The following PCLO variants were observed in gnomAD, a reference collection of about 807,000 sequenced individuals.
PCLO encodes piccolo presynaptic cytomatrix protein.
Under a neutral mutation model 427.5 loss-of-function variants are expected in PCLO, and 82 were observed. That is an observed-to-expected ratio of 0.19 (90% CI 0.16 to 0.23). The LOEUF (loss-of-function observed/expected upper bound fraction) is 0.23. Ranked by LOEUF, PCLO falls within the 10% of genes least tolerant of loss-of-function variation. The probability of loss-of-function intolerance (pLI) is 1.00; values close to 1 mark genes in which losing one functional copy is unlikely to be tolerated. For missense variants in PCLO, 6,239 were observed against 6,115.9 expected, an observed-to-expected ratio of 1.02 and a Z score of -0.67; for synonymous variants, 2,357 against 2,155.4, an observed-to-expected ratio of 1.09 and a Z score of -2.59.
chr7:82,997,249 G>A (rs1787645786), intron 3 of PCLO, among the ~76,000 whole-genome samples: 1 of 151,872 alleles, frequency 6.6e-6, no homozygotes, highest in African/African-American at 2.4e-5. Flanking sequence ...GTCTCTTAAA[G>A]AGGAAAAGTG....
At chr7:83,036,473 T>C (rs558311424) in intron 3 of PCLO, among the ~76,000 whole-genome samples, 39 of 152,278 alleles carry the variant, frequency 2.6e-4, no homozygotes, top group Admixed American at 1.4e-3. Context: ...ACAACACTTA[T>C]ATTGCTCACC....
At chr7:82,851,855 T>C (rs1337268358) in intron 10 of PCLO, among the ~76,000 whole-genome samples, 1 of 152,142 alleles carries the variant, frequency 6.6e-6, no homozygotes, top group Non-Finnish European at 1.5e-5. Context: ...AATACAATTG[T>C]CCAAATCAAT....
At chr7:82,947,348 C>T (rs186513412) in intron 6 of PCLO, among the ~76,000 whole-genome samples, 1 of 152,094 alleles carries the variant, frequency 6.6e-6, no homozygotes, top group Non-Finnish European at 1.5e-5. Flanking sequence ...AAATTAACAA[C>T]CTGTAAACTA....
At chr7:83,087,487 G>A (rs1196652428) in intron 3 of PCLO, among the ~76,000 whole-genome samples, 9 of 151,956 alleles carry the variant, frequency 5.9e-5, no homozygotes, top group Non-Finnish European at 1.3e-4. Flanking sequence ...AAAAGTATGT[G>A]CATTTATAAA....
Position 82,956,248 on chromosome 7 carries a change from C to G in PCLO, c.4705G>C (p.Ala1569Pro). The G allele has an allele frequency of 6.2e-7, 1 of 1,611,746 alleles. No individual in the cohort carries two copies. Among genetic ancestry groups the G allele is most frequent in the African/African-American group, 1.3e-5 (1 of 75,046 alleles). Residue 1569 changes from alanine (A) to proline (P), a missense_variant, in exon 5 of 25, where the codon GCT becomes CCT. This residue lies in a region of PCLO where 4,677 missense variants were observed against 4,468.4 expected (regional missense o/e 1.05). Coordinates refer to ENST00000333891, the MANE Select transcript of PCLO (RefSeq NM_033026.6). The stretch of plus-strand genomic sequence containing the variant: ...AACTCATCATCTTCAGAACCTGAAG[C>G]ATCTTCATCAGCACTCATTTCTATG... ...QIIEMSADED[A>P]SGSEDDEFIR...
At chr7:83,014,418 T>G (rs1053208510) in intron 3 of PCLO, among the ~76,000 whole-genome samples, 3 of 152,082 alleles carry the variant, frequency 2.0e-5, no homozygotes, top group Non-Finnish European at 2.9e-5. Context: ...TCTCGAATGC[T>G]GAGATAAGTA....
intron 15 of PCLO, 96 bp downstream of exon 15, chr7:82,838,122 T>A (rs1792273607): frequency 2.4e-6 from 2 of 824,594 alleles, no homozygotes; most frequent in Admixed American, 2.9e-5. Context: ...GAAAAGATAA[T>A]AAAGTCAATT....
At chr7:82,818,674 T>C (rs1040169801) in intron 20 of PCLO, among the ~76,000 whole-genome samples, 5 of 152,192 alleles carry the variant, frequency 3.3e-5, no homozygotes, top group African/African-American at 4.8e-5. Context: ...AAGACAATGT[T>C]ATATTTGTCG....
chr7:82,969,946 T>C (rs1166609942), intron 3 of PCLO, among the ~76,000 whole-genome samples: 2 of 152,144 alleles, frequency 1.3e-5, no homozygotes, highest in Non-Finnish European at 2.9e-5. Context: ...CAAAAATATG[T>C]CTTGTCACTA....
chr7:83,116,760 C>G (rs150358105), intron 3 of PCLO, among the ~76,000 whole-genome samples: 14 of 152,274 alleles, frequency 9.2e-5, no homozygotes, highest in African/African-American at 3.4e-4. Context: ...AATTTTGTAT[C>G]CTTAACTAAC....
At chr7:83,097,177 ATATATTATATAT>A (rs1421070343) in intron 3 of PCLO, among the ~76,000 whole-genome samples, 1 of 117,816 alleles carries the variant, frequency 8.5e-6, no homozygotes, top group Non-Finnish European at 1.6e-5. Context: ...AATATATATT[ATATATTATATAT>A]TATATTATTA....
At chr7:83,037,780 T>A (rs1291202712) in intron 3 of PCLO, among the ~76,000 whole-genome samples, 2 of 150,610 alleles carry the variant, frequency 1.3e-5, no homozygotes, top group Non-Finnish European at 3.0e-5. Flanking sequence ...CACTATTTAA[T>A]TCCATTTTAA....
At chr7:83,152,334 T>C (rs1792159998) in intron 2 of PCLO, among the ~76,000 whole-genome samples, 3 of 152,328 alleles carry the variant, frequency 2.0e-5, no homozygotes, top group Middle Eastern at 3.4e-3. Flanking sequence ...CTCCTATTTA[T>C]GGTTGAGAGA....
chr7:82,774,951 T>C (rs1205588261), intron 22 of PCLO, among the ~76,000 whole-genome samples: 2 of 152,210 alleles, frequency 1.3e-5, no homozygotes, highest in South Asian at 2.1e-4. Flanking sequence ...GCTGTTTCCA[T>C]AGTTCTGCTT....
Position 82,956,394 on chromosome 7 carries a change from T to C in PCLO, c.4559A>G (p.Glu1520Gly), listed in dbSNP as rs773834105. The C allele has an allele frequency of 6.2e-7, 1 of 1,613,522 alleles. No individual in the cohort carries two copies. The highest frequency in any genetic ancestry group is 8.5e-7 in the Non-Finnish European group (1 of 1,179,864). ...TTTTCTTTGTGGAACAGGTGAGTTTTCACTTTCACTACTCTCTTCAACTGA... is the reference window on the plus strand; with the variant it reads ...TTTTCTTTGTGGAACAGGTGAGTTTCCACTTTCACTACTCTCTTCAACTGA... Reference protein sequence around the residue: ...YDSVEESSESENSPVPQRKRR... With the variant: ...YDSVEESSESGNSPVPQRKRR... Residue 1520 changes from glutamate to glycine, a missense_variant, in exon 5 of 25, where the codon GAA becomes GGA. Transcript: ENST00000333891.
intron 20 of PCLO, chr7:82,820,766 C>T: frequency 8.1e-7 from 1 of 1,231,356 alleles, no homozygotes; most frequent in Non-Finnish European, 1.0e-6. Context: ...GAACTGTGAG[C>T]AATTTAAACT....
chr7:82,792,525 G>T (rs544445264), intron 22 of PCLO, among the ~76,000 whole-genome samples: 46 of 151,906 alleles, frequency 3.0e-4, no homozygotes, highest in Non-Finnish European at 5.6e-4. Context: ...ATGGGGTTTT[G>T]TCATGTTGCC....
chr7:82,920,215 A>G (rs1474934655), intron 6 of PCLO, among the ~76,000 whole-genome samples: 1 of 151,838 alleles, frequency 6.6e-6, no homozygotes, highest in Non-Finnish European at 1.5e-5. Context: ...ACAGAGATAA[A>G]AGCAATACAA....
chr7:82,946,434 T>C (rs982072634), intron 6 of PCLO, among the ~76,000 whole-genome samples: 6 of 152,214 alleles, frequency 3.9e-5, no homozygotes, highest in Non-Finnish European at 8.8e-5. Flanking sequence ...CAATATAATG[T>C]ATTTAATAAG....
Sources: gnomAD v4.1 joint callset for allele counts (sites outside exome capture counted in the v4.1 genomes callset) on GRCh38, gnomAD v4.1.1 for gene constraint, gnomAD v4.1.1 regional missense constraint, MANE v1.5 for transcripts, NCBI Gene and HGNC (gene_info 2026-07-23, HGNC 2026-07-21) for gene names.